Variants in RAB8B observed in about 807,000 individuals in gnomAD.
RAB8B encodes RAB8B, member RAS oncogene family.
In RAB8B, 11 loss-of-function variants were observed where a neutral mutation model predicts 32.0. The observed-to-expected ratio is 0.34, with a 90% CI of 0.22 to 0.57. The LOEUF is 0.57. Ranked by LOEUF, RAB8B falls within the 20% of genes least tolerant of loss-of-function variation. The probability of loss-of-function intolerance (pLI) is 0.86; values close to 1 mark genes in which losing one functional copy is unlikely to be tolerated. For synonymous variants in RAB8B, 103 were observed against 89.6 expected (o/e 1.15, Z -0.85); for missense variants, 190 against 258.5 (o/e 0.73, Z 1.82).
At chr15:63,205,358 G>A (rs1029469870) in intron 1 of RAB8B, among the ~76,000 whole-genome samples, 1 of 151,980 alleles carries the variant, frequency 6.6e-6, no homozygotes, top group Non-Finnish European at 1.5e-5. Flanking sequence ...AAATTAGCCA[G>A]GTGTGATCAT....
At chr15:63,242,966 A>G (rs1288962051) in intron 1 of RAB8B, among the ~76,000 whole-genome samples, 1 of 152,220 alleles carries the variant, frequency 6.6e-6, no homozygotes, top group South Asian at 2.1e-4. Flanking sequence ...TAATGAAATT[A>G]TTATACAACT....
At chr15:63,204,410 G>A (rs116910648) in intron 1 of RAB8B, among the ~76,000 whole-genome samples, 1,718 of 152,172 alleles carry the variant, frequency 0.011, 13 homozygotes, top group Middle Eastern at 0.044. Context: ...GACTCTCAGG[G>A]CATCTTGAAT....
chr15:63,194,279 C>A (rs1391848530), intron 1 of RAB8B, among the ~76,000 whole-genome samples: 2 of 152,222 alleles, frequency 1.3e-5, no homozygotes, highest in East Asian at 3.8e-4. Flanking sequence ...AACCCCAGAT[C>A]CAAGTCTATG....
chr15:63,219,951 A>G (rs2037829977), intron 1 of RAB8B, among the ~76,000 whole-genome samples: 3 of 152,188 alleles, frequency 2.0e-5, no homozygotes, highest in Admixed American at 2.0e-4. Flanking sequence ...TGTTGGAACA[A>G]TGGTAGAAGT....
intron 1 of RAB8B, among the ~76,000 whole-genome samples, chr15:63,202,277 C>CA (rs1555421154): frequency 0.01 from 819 of 81,882 alleles, 9 homozygotes; most frequent in African/African-American, 0.03. Context: ...GACTCCGTCT[C>CA]AAAAAGAAAA....
Position 63,225,837 on chromosome 15 carries a change from T to A in RAB8B, c.125-18919T>A, listed in dbSNP as rs145663356. The stretch of plus-strand genomic sequence containing the variant: ...GAAGAATTTAATATTTTTTTCCTTC[T>A]CTGTTTTATTTTTTTCTTTCTGAAA... On this transcript the variant is annotated intron_variant, in intron 1 of 7. Coordinates refer to ENST00000321437, the MANE Select transcript of RAB8B (RefSeq NM_016530.3). Among the ~76,000 whole-genome samples the A allele has an allele frequency of 1.6e-3, 243 of 152,262 alleles. 1 individual carries two copies. The highest frequency in any genetic ancestry group is 3.0e-3 in the Non-Finnish European group (204 of 68,014).
intron 1 of RAB8B, among the ~76,000 whole-genome samples, chr15:63,209,398 C>T (rs925013805): frequency 6.6e-6 from 1 of 151,874 alleles, no homozygotes; most frequent in South Asian, 2.1e-4. Context: ...TGAGACCAGA[C>T]TGGCCAACAT....
intron 5 of RAB8B, among the ~76,000 whole-genome samples, chr15:63,256,935 T>G (rs531886344): frequency 6.6e-6 from 1 of 152,362 alleles, no homozygotes; most frequent in South Asian, 2.1e-4. Context: ...TAAACATTCT[T>G]TTTGAAAAAG....
chr15:63,239,847 G>A (rs1458983553), intron 1 of RAB8B, among the ~76,000 whole-genome samples: 1 of 152,184 alleles, frequency 6.6e-6, no homozygotes, highest in Admixed American at 6.5e-5. Flanking sequence ...AGAGGATGGA[G>A]TCTTCGCATG....
intron 1 of RAB8B, among the ~76,000 whole-genome samples, chr15:63,233,117 C>T (rs917722559): frequency 2.8e-5 from 4 of 144,854 alleles, no homozygotes; most frequent in Non-Finnish European, 4.5e-5. Flanking sequence ...GGAGTGGTGG[C>T]GCAATGATCA....
intron 5 of RAB8B, among the ~76,000 whole-genome samples, chr15:63,257,257 CT>C (rs1451473395): frequency 1.4e-5 from 2 of 147,840 alleles, no homozygotes; most frequent in East Asian, 3.9e-4. Context: ...AATGCATTTT[CT>C]TTTCTTTTTT....
At chr15:63,196,313 A>G (rs1288355733) in intron 1 of RAB8B, among the ~76,000 whole-genome samples, 1 of 152,252 alleles carries the variant, frequency 6.6e-6, no homozygotes, top group Non-Finnish European at 1.5e-5. Context: ...ATCCTTTATC[A>G]GAGCTGGTAT....
chr15:63,207,945 A>G (rs909194908), intron 1 of RAB8B, among the ~76,000 whole-genome samples: 1 of 144,826 alleles, frequency 6.9e-6, no homozygotes, highest in Admixed American at 6.9e-5. Context: ...GGCCCTCAAT[A>G]CCTCTCTCCT....
intron 3 of RAB8B, 88 bp from the exon 4 acceptor site, chr15:63,255,419 G>T: frequency 1.2e-6 from 1 of 853,288 alleles, no homozygotes; most frequent in Non-Finnish European, 1.7e-6. Context: ...CAAACAAAAG[G>T]TTTCTGGAGG....
intron 1 of RAB8B, among the ~76,000 whole-genome samples, chr15:63,227,859 A>G (rs1205649992): frequency 6.6e-6 from 1 of 152,190 alleles, no homozygotes; most frequent in Non-Finnish European, 1.5e-5. Context: ...TTTAAAATCC[A>G]GTGAGCACCC....
intron 1 of RAB8B, among the ~76,000 whole-genome samples, chr15:63,221,335 G>A (rs1230973544): frequency 6.6e-6 from 1 of 152,174 alleles, no homozygotes; most frequent in Non-Finnish European, 1.5e-5. Flanking sequence ...TACTTTGGGA[G>A]AAGGGAGGGA....
Position 63,256,610 on chromosome 15 carries a change from A to G in RAB8B, c.414+16A>G, listed in dbSNP as rs767816096. The G allele has an allele frequency of 1.9e-6, 3 of 1,542,762 alleles. No individual in the cohort carries two copies. Among genetic ancestry groups the G allele is most frequent in the Non-Finnish European group, 2.7e-6 (3 of 1,125,710 alleles). On this transcript the variant is annotated intron_variant, in intron 5 of 7. Coordinates refer to ENST00000321437, the MANE Select transcript of RAB8B (RefSeq NM_016530.3). ...AGGGGAGAAGGTAAATGTGAATGGA[A>G]TGGATAAAGGTTGGAATCTACTCAC...
chr15:63,233,831 C>G (rs1026783836), intron 1 of RAB8B, among the ~76,000 whole-genome samples: 4 of 152,022 alleles, frequency 2.6e-5, no homozygotes, highest in Admixed American at 1.3e-4. Context: ...ACTGTAAAAG[C>G]ACAGTATTTA....
At chr15:63,193,012 C>G (rs1261512319) in intron 1 of RAB8B, among the ~76,000 whole-genome samples, 1 of 152,104 alleles carries the variant, frequency 6.6e-6, no homozygotes, top group Non-Finnish European at 1.5e-5. Context: ...CACTTGAGGC[C>G]AGGAGTTTGA....
Sources: gnomAD v4.1 joint callset for allele counts (sites outside exome capture counted in the v4.1 genomes callset) on GRCh38, gnomAD v4.1.1 for gene constraint, MANE v1.5 for transcripts, NCBI Gene and HGNC (gene_info 2026-07-23, HGNC 2026-07-21) for gene names.